Variants in GALNTL6 observed in about 807,000 individuals in gnomAD.
GALNTL6 encodes the protein polypeptide N-acetylgalactosaminyltransferase like 6.
Under a neutral mutation model 73.7 loss-of-function variants are expected in GALNTL6, and 46 were observed. The observed-to-expected ratio is 0.62, with a 90% CI of 0.49 to 0.80. GALNTL6 has a LOEUF of 0.80. Ranked by LOEUF, GALNTL6 falls within the 30% of genes least tolerant of loss-of-function variation. The pLI, the probability that GALNTL6 is intolerant of heterozygous loss-of-function variation, is 0.00. For synonymous variants in GALNTL6, 259 were observed against 263.7 expected (o/e 0.98, Z 0.17); for missense variants, 604 against 755.0 (o/e 0.80, Z 2.34).
At chr4:172,797,454 A>G (rs1328404507) in intron 5 of GALNTL6, among the ~76,000 whole-genome samples, 14 of 152,072 alleles carry the variant, frequency 9.2e-5, no homozygotes. Flanking sequence ...TGTGTTGCTC[A>G]GGCTTGTCTG....
chr4:172,178,692 A>C, intron 2 of GALNTL6, among the ~76,000 whole-genome samples: 1 of 137,122 alleles, frequency 7.3e-6, no homozygotes, highest in African/African-American at 2.8e-5. Flanking sequence ...TTTAGGGTAC[A>C]TGTGCACATT....
intron 5 of GALNTL6, among the ~76,000 whole-genome samples, chr4:172,563,523 G>T (rs946789479): frequency 6.6e-6 from 1 of 152,182 alleles, no homozygotes; most frequent in Non-Finnish European, 1.5e-5. Flanking sequence ...AAATCTTTAA[G>T]ATTTCCTTTT....
chr4:172,134,243 G>A (rs948905085), intron 2 of GALNTL6, among the ~76,000 whole-genome samples: 2 of 151,968 alleles, frequency 1.3e-5, no homozygotes, highest in African/African-American at 4.8e-5. Context: ...AAATTAGCTG[G>A]GCATGGTGGC....
chr4:171,931,381 G>A (rs1490572132), intron 2 of GALNTL6, among the ~76,000 whole-genome samples: 2 of 152,118 alleles, frequency 1.3e-5, no homozygotes, highest in African/African-American at 4.8e-5. Context: ...TAGTCCAGCA[G>A]AATTTTACTG....
chr4:172,046,351 A>T (rs1046605102), intron 2 of GALNTL6, among the ~76,000 whole-genome samples: 1 of 152,098 alleles, frequency 6.6e-6, no homozygotes, highest in Non-Finnish European at 1.5e-5. Context: ...CATGTGCACA[A>T]CGTACAGGTT....
intron 2 of GALNTL6, among the ~76,000 whole-genome samples, chr4:171,893,793 T>A (rs1736825827): frequency 6.6e-6 from 1 of 152,192 alleles, no homozygotes; most frequent in African/African-American, 2.4e-5. Flanking sequence ...CATGATGAAG[T>A]AGTTCATTTC....
chr4:172,716,830 GAA>G (rs1178720423), intron 5 of GALNTL6, among the ~76,000 whole-genome samples: 3 of 152,170 alleles, frequency 2.0e-5, no homozygotes, highest in Non-Finnish European at 4.4e-5. Flanking sequence ...TCTCACTATG[GAA>G]AAGACAATTT....
chr4:172,008,963 T>C (rs1478618414), intron 2 of GALNTL6, among the ~76,000 whole-genome samples: 1 of 151,990 alleles, frequency 6.6e-6, no homozygotes, highest in Admixed American at 6.6e-5. Flanking sequence ...AACTATTTGC[T>C]GAAAAAGGAA....
intron 5 of GALNTL6, among the ~76,000 whole-genome samples, chr4:172,665,954 T>C (rs1039211793): frequency 6.6e-6 from 1 of 152,186 alleles, no homozygotes; most frequent in Admixed American, 6.5e-5. Context: ...TTTACCTCTG[T>C]CCCCTTCTTA....
intron 2 of GALNTL6, among the ~76,000 whole-genome samples, chr4:171,840,647 G>C (rs1273775332): frequency 6.6e-6 from 1 of 152,158 alleles, no homozygotes; most frequent in Non-Finnish European, 1.5e-5. Flanking sequence ...ACTCCAGGGA[G>C]AGAAAAGACA....
intron 7 of GALNTL6, among the ~76,000 whole-genome samples, chr4:172,822,375 T>C (rs1741979933): frequency 6.6e-6 from 1 of 152,134 alleles, no homozygotes; most frequent in Non-Finnish European, 1.5e-5. Flanking sequence ...TTATGTGCAC[T>C]ATTTTAAAAG....
At chr4:172,388,714 C>G (rs1342439185) in intron 5 of GALNTL6, among the ~76,000 whole-genome samples, 1 of 151,908 alleles carries the variant, frequency 6.6e-6, no homozygotes, top group African/African-American at 2.4e-5. Context: ...TGCCCTTGTC[C>G]TAGTACTAAA....
At chr4:172,843,229 TTGA>T (rs1743312265) in intron 7 of GALNTL6, among the ~76,000 whole-genome samples, 1 of 152,208 alleles carries the variant, frequency 6.6e-6, no homozygotes, top group Non-Finnish European at 1.5e-5. Context: ...ATGGAGGTTC[TTGA>T]TTAGAGGCTA....
chr4:172,357,412 T>C (rs1448041532), intron 5 of GALNTL6, among the ~76,000 whole-genome samples: 4 of 152,118 alleles, frequency 2.6e-5, no homozygotes, highest in Non-Finnish European at 5.9e-5. Flanking sequence ...CACAGGGCCA[T>C]GCTGGTGCGA....
At chr4:172,497,847 A>AAGACATAGGTTCT (rs1734117785) in intron 5 of GALNTL6, among the ~76,000 whole-genome samples, 1 of 152,174 alleles carries the variant, frequency 6.6e-6, no homozygotes, top group South Asian at 2.1e-4. Flanking sequence ...AACTCATAAG[A>AAGACATAGGTTCT]AGACATAGGT....
At chr4:172,286,629 T>A (rs1420902088) in intron 3 of GALNTL6, among the ~76,000 whole-genome samples, 1 of 152,146 alleles carries the variant, frequency 6.6e-6, no homozygotes, top group Non-Finnish European at 1.5e-5. Context: ...ATAAAGAGTT[T>A]GATGAAACCA....
chr4:172,896,970 A>C (rs1230014887), intron 8 of GALNTL6, among the ~76,000 whole-genome samples: 1 of 152,148 alleles, frequency 6.6e-6, no homozygotes. Context: ...CAGATGAGAT[A>C]ATTCCCCAAC....
chr4:172,191,766 A>G (rs981741600), intron 2 of GALNTL6, among the ~76,000 whole-genome samples: 1 of 152,176 alleles, frequency 6.6e-6, no homozygotes, highest in African/African-American at 2.4e-5. Flanking sequence ...TGCCCCCAGA[A>G]ATTAGGTTTT....
chr4:172,655,061 G>A (rs181225363), intron 5 of GALNTL6, among the ~76,000 whole-genome samples: 1 of 152,262 alleles, frequency 6.6e-6, no homozygotes, highest in East Asian at 1.9e-4. Flanking sequence ...ATAATGCTAT[G>A]AGGATCAATA....
Sources: gnomAD v4.1 joint callset for allele counts (sites outside exome capture counted in the v4.1 genomes callset) on GRCh38, gnomAD v4.1.1 for gene constraint, MANE v1.5 for transcripts, NCBI Gene and HGNC (gene_info 2026-07-23, HGNC 2026-07-21) for gene names.